OPHN1: variants seen among roughly 807,000 people sequenced by gnomAD.
OPHN1 encodes the protein oligophrenin-1.
Under a neutral mutation model 60.7 loss-of-function variants are expected in OPHN1, and 11 were observed. The ratio of observed to expected loss-of-function variants is 0.18; its 90% CI spans 0.11 to 0.30. The LOEUF (loss-of-function observed/expected upper bound fraction) is 0.30. Ranked by LOEUF, OPHN1 falls within the 10% of genes least tolerant of loss-of-function variation. OPHN1 has a pLI of 1.00. For synonymous variants in OPHN1, 226 were observed against 222.6 expected, an observed-to-expected ratio of 1.02 and a Z score of -0.14; for missense variants, 449 against 611.0, an observed-to-expected ratio of 0.73 and a Z score of 2.80.
At chrX:68,377,700 G>A (rs893917721) in intron 2 of OPHN1, among the ~76,000 whole-genome samples, 11 of 109,321 alleles carry the variant, frequency 1.0e-4, no homozygotes, top group Non-Finnish European at 1.7e-4. Context: ...CTGTTCTTGC[G>A]ATAGTTTACT....
At chrX:68,332,552 T>G (rs772315443) in intron 2 of OPHN1, among the ~76,000 whole-genome samples, 1 of 112,086 alleles carries the variant, frequency 8.9e-6, no homozygotes, top group East Asian at 2.8e-4. Context: ...CCTTGGAGAC[T>G]GCAGAGCTTC....
At chrX:68,295,489 C>T (rs1429276571) in intron 3 of OPHN1, among the ~76,000 whole-genome samples, 3 of 112,223 alleles carry the variant, frequency 2.7e-5, no homozygotes, top group Non-Finnish European at 5.6e-5. Flanking sequence ...TCAACAAGCT[C>T]AATTAATGTT....
At chrX:68,385,798 A>C (rs1454766641) in intron 2 of OPHN1, among the ~76,000 whole-genome samples, 2 of 112,245 alleles carry the variant, frequency 1.8e-5, no homozygotes, top group African/African-American at 6.5e-5. Flanking sequence ...ACAAACAGTG[A>C]ATTCTGTTAG....
intron 15 of OPHN1, among the ~76,000 whole-genome samples, chrX:68,175,421 CAA>C (rs1439277464): frequency 9.1e-6 from 1 of 110,418 alleles, no homozygotes; most frequent in African/African-American, 3.3e-5. Flanking sequence ...TTAAACCAAA[CAA>C]GAATTTTTTT....
intron 18 of OPHN1, among the ~76,000 whole-genome samples, chrX:68,097,252 A>G (rs1322067693): frequency 8.9e-6 from 1 of 111,847 alleles, no homozygotes; most frequent in African/African-American, 3.2e-5. Flanking sequence ...TAACCTAGCT[A>G]ACAGCATTGA....
At chrX:68,302,044 C>T (rs1224098324) in intron 2 of OPHN1, among the ~76,000 whole-genome samples, 1 of 112,481 alleles carries the variant, frequency 8.9e-6, no homozygotes, top group Non-Finnish European at 1.9e-5. Context: ...AATTCATCCA[C>T]GTTATCGCTT....
chrX:68,377,830 C>T (rs1368290836), intron 2 of OPHN1, among the ~76,000 whole-genome samples: 4 of 111,684 alleles, frequency 3.6e-5, no homozygotes, highest in African/African-American at 6.5e-5. Context: ...CAGTCTATCA[C>T]TGTTGGACAT....
intron 2 of OPHN1, among the ~76,000 whole-genome samples, chrX:68,328,966 G>T (rs1274478642): frequency 1.8e-5 from 2 of 112,103 alleles, no homozygotes; most frequent in Admixed American, 1.9e-4. Flanking sequence ...TGCCCAGGCT[G>T]GAGTGCAATG....
At chrX:68,360,715 G>A (rs1251790837) in intron 2 of OPHN1, among the ~76,000 whole-genome samples, 2 of 110,864 alleles carry the variant, frequency 1.8e-5, no homozygotes, top group Admixed American at 1.9e-4. Context: ...CCCGGGAGGT[G>A]GGGGTTGCAG....
At chrX:68,250,500 T>C (rs1350099587) in intron 5 of OPHN1, among the ~76,000 whole-genome samples, 1 of 111,442 alleles carries the variant, frequency 9.0e-6, no homozygotes. Flanking sequence ...CTGATGCCTA[T>C]GTGCCACGTG....
At chrX:68,124,393 C>T (rs1430587502) in intron 15 of OPHN1, among the ~76,000 whole-genome samples, 7 of 110,732 alleles carry the variant, frequency 6.3e-5, no homozygotes, top group African/African-American at 2.3e-4. Flanking sequence ...GCTGGAGCAC[C>T]CAAACATATA....
At chrX:68,144,007 T>C (rs1210139730) in intron 15 of OPHN1, among the ~76,000 whole-genome samples, 1 of 110,138 alleles carries the variant, frequency 9.1e-6, no homozygotes, top group African/African-American at 3.3e-5. Context: ...GAGCTACAAT[T>C]TTCTTTTCTT....
At chrX:68,058,871 C>T (rs978312388) in intron 21 of OPHN1, among the ~76,000 whole-genome samples, 1 of 112,010 alleles carries the variant, frequency 8.9e-6, no homozygotes, top group Non-Finnish European at 1.9e-5. Flanking sequence ...CCTATGAAAG[C>T]AAAACAACTG....
chrX:68,181,546 C>A (rs760722584), intron 15 of OPHN1, among the ~76,000 whole-genome samples: 1 of 111,410 alleles, frequency 9.0e-6, no homozygotes, highest in East Asian at 2.8e-4. Flanking sequence ...ATCCCTAGGC[C>A]AGGAATGGTG....
intron 15 of OPHN1, among the ~76,000 whole-genome samples, chrX:68,149,113 A>AAC (rs2077275134): frequency 9.0e-6 from 1 of 111,549 alleles, no homozygotes; most frequent in Non-Finnish European, 1.9e-5. Context: ...TATGAAGAAT[A>AAC]ACAAAGCCAT....
chrX:68,333,856 A>G (rs2078308313), intron 2 of OPHN1, among the ~76,000 whole-genome samples: 1 of 108,924 alleles, frequency 9.2e-6, no homozygotes, highest in African/African-American at 3.3e-5. Flanking sequence ...TTAAGGACCA[A>G]TGTTGGCAGG....
intron 2 of OPHN1, among the ~76,000 whole-genome samples, chrX:68,314,642 C>A (rs2147649979): frequency 9.0e-6 from 1 of 110,663 alleles, no homozygotes; most frequent in Admixed American, 9.7e-5. Context: ...CTTCTCAAAC[C>A]CTTCTAAAAT....
intron 15 of OPHN1, among the ~76,000 whole-genome samples, chrX:68,134,916 G>C (rs996921907): frequency 9.0e-6 from 1 of 111,230 alleles, no homozygotes. Context: ...TGAGCAGGTA[G>C]AAGTATACAT....
intron 15 of OPHN1, among the ~76,000 whole-genome samples, chrX:68,187,367 T>G (rs1247249271): frequency 9.0e-6 from 1 of 110,528 alleles, no homozygotes; most frequent in Non-Finnish European, 1.9e-5. Flanking sequence ...AAGGGTCCTT[T>G]AAAGCAGAAG....
Sources: allele counts gnomAD v4.1 joint callset (sites outside exome capture counted in the v4.1 genomes callset), GRCh38; gene constraint gnomAD v4.1.1; transcripts MANE v1.5; gene names NCBI Gene and HGNC (gene_info 2026-07-23, HGNC 2026-07-21).